Variants in FCHO2 observed in about 807,000 individuals in gnomAD.
FCHO2 encodes the protein FCH and mu domain containing endocytic adaptor 2, also known as F-BAR domain only protein 2.
Under a neutral mutation model 114.1 loss-of-function variants are expected in FCHO2, and 43 were observed. The ratio of observed to expected loss-of-function variants is 0.38; its 90% CI spans 0.30 to 0.49. The LOEUF is 0.49. Among genes scored for constraint, FCHO2 ranks in the 20% least tolerant of loss-of-function variants. FCHO2 has a pLI of 0.97. For missense variants in FCHO2, 807 were observed against 950.4 expected, an observed-to-expected ratio of 0.85 and a Z score of 1.98; for synonymous variants, 293 against 315.2, an observed-to-expected ratio of 0.93 and a Z score of 0.75.
chr5:72,956,302 G>T (rs1474364631), intron 1 of FCHO2, among the ~76,000 whole-genome samples, 173 bp downstream of exon 1: 1 of 151,840 alleles, frequency 6.6e-6, no homozygotes, highest in Non-Finnish European at 1.5e-5. Context: ...AGCCTATAGG[G>T]ACTCCCGGGC....
chr5:73,045,072 AG>A (rs1756993445), intron 11 of FCHO2, among the ~76,000 whole-genome samples: 1 of 152,266 alleles, frequency 6.6e-6, no homozygotes, highest in Non-Finnish European at 1.5e-5. Flanking sequence ...AAAGATGCAT[AG>A]AAGGTTGCAA....
intron 23 of FCHO2, 90 bp downstream of exon 23, chr5:73,082,072 GT>G: frequency 7.9e-7 from 1 of 1,270,882 alleles, no homozygotes; most frequent in Non-Finnish European, 1.0e-6. Flanking sequence ...TTTCTTAGAA[GT>G]TTGAAAAATT....
At chr5:72,962,239 AG>A (rs1224594488) in intron 1 of FCHO2, among the ~76,000 whole-genome samples, 1 of 152,028 alleles carries the variant, frequency 6.6e-6, no homozygotes, top group African/African-American at 2.4e-5. Context: ...GTTCAGGGGG[AG>A]GATTTTAGAA....
chr5:72,968,904 T>C (rs911889979), intron 2 of FCHO2, among the ~76,000 whole-genome samples: 3 of 152,148 alleles, frequency 2.0e-5, no homozygotes, highest in Non-Finnish European at 4.4e-5. Context: ...AACATTAACA[T>C]TTGTTAACCA....
chr5:73,004,348 T>C (rs1444414202), intron 5 of FCHO2, among the ~76,000 whole-genome samples: 1 of 152,108 alleles, frequency 6.6e-6, no homozygotes, highest in Non-Finnish European at 1.5e-5. Context: ...TATAAAATAA[T>C]GTCAGCTGTG....
intron 5 of FCHO2, among the ~76,000 whole-genome samples, chr5:73,000,172 TA>T (rs977887948): frequency 1.4e-4 from 20 of 147,140 alleles, no homozygotes; most frequent in East Asian, 2.0e-4. Flanking sequence ...GCACAGCCAA[TA>T]AAAAAAAAAA....
Position 73,015,815 on chromosome 5 carries a change from A to G in FCHO2, c.699+91A>G, listed in dbSNP as rs913167076. Reference sequence around the variant, plus strand: ...TATTTTCTCACTCTGTTCAAAGTTCATAAGTATAATACCGAATTTTTCCAA... The same window carrying G: ...TATTTTCTCACTCTGTTCAAAGTTCGTAAGTATAATACCGAATTTTTCCAA... On this transcript the variant is annotated intron_variant, in intron 7 of 25. Coordinates refer to ENST00000430046, the MANE Select transcript of FCHO2 (RefSeq NM_138782.3). 12 of 657,806 alleles carry G rather than the reference A, an allele frequency of 1.8e-5. No individual in the cohort carries two copies. In the East Asian group the frequency reaches 2.9e-4, roughly 16 times the overall value. The allele number at this position is 657,806 out of a possible 1,614,324, so 40.7% of individuals were successfully genotyped here.
chr5:72,999,607 T>A (rs1381631132), intron 5 of FCHO2, among the ~76,000 whole-genome samples: 1 of 151,954 alleles, frequency 6.6e-6, no homozygotes, highest in Non-Finnish European at 1.5e-5. Context: ...GATCTTGAAC[T>A]TCTGACCTCA....
intron 15 of FCHO2, 143 bp downstream of exon 15, chr5:73,054,692 A>C (rs1039663054): frequency 8.6e-6 from 5 of 582,642 alleles, no homozygotes; most frequent in Non-Finnish European, 1.4e-5. Flanking sequence ...AATTATTTTA[A>C]ATAGAAAACA....
intron 8 of FCHO2, chr5:73,020,556 C>T: frequency 1.6e-6 from 1 of 626,980 alleles, no homozygotes; most frequent in South Asian, 1.8e-5. Flanking sequence ...GTTGACAGAA[C>T]ATATTTGGGG....
chr5:73,077,627 CA>C, intron 21 of FCHO2, 134 bp downstream of exon 21: 1 of 948,090 alleles, frequency 1.1e-6, no homozygotes, highest in Non-Finnish European at 1.5e-6. Flanking sequence ...CCCAGTTGTT[CA>C]AAACCAGCCT....
chr5:72,983,543 A>G (rs1753346123), intron 2 of FCHO2, among the ~76,000 whole-genome samples: 1 of 148,832 alleles, frequency 6.7e-6, no homozygotes, highest in Admixed American at 6.7e-5. Flanking sequence ...TCAAAGTGAC[A>G]ATACTTTTTT....
chr5:73,041,245 C>T (rs1378494003), intron 10 of FCHO2, 46 bp from the exon 11 acceptor site: 3 of 1,252,054 alleles, frequency 2.4e-6, no homozygotes, highest in Non-Finnish European at 3.5e-6. Flanking sequence ...GCATAATTAG[C>T]AGACAATTCT....
At chr5:73,002,302 A>C (rs1754489740) in intron 5 of FCHO2, among the ~76,000 whole-genome samples, 1 of 152,200 alleles carries the variant, frequency 6.6e-6, no homozygotes, top group Admixed American at 6.5e-5. Flanking sequence ...AGGAAGATGA[A>C]ATGATTCAGG....
intron 2 of FCHO2, among the ~76,000 whole-genome samples, chr5:72,988,401 G>A (rs1026983499): frequency 1.3e-5 from 2 of 152,120 alleles, no homozygotes; most frequent in Non-Finnish European, 2.9e-5. Flanking sequence ...TTGCACCACT[G>A]TACTCCAGCC....
chr5:73,074,401 G>A (rs1742814263), intron 19 of FCHO2, among the ~76,000 whole-genome samples: 1 of 152,030 alleles, frequency 6.6e-6, no homozygotes, highest in African/African-American at 2.4e-5. Context: ...ATGATTGATA[G>A]AACCTGGAGG....
At chr5:72,959,999 C>G (rs984044694) in intron 1 of FCHO2, among the ~76,000 whole-genome samples, 2 of 152,130 alleles carry the variant, frequency 1.3e-5, no homozygotes, top group Non-Finnish European at 2.9e-5. Context: ...AGGCTGGTCT[C>G]GAACTCCTGG....
chr5:73,047,988 C>T (rs1232145085), intron 11 of FCHO2, among the ~76,000 whole-genome samples: 3 of 152,004 alleles, frequency 2.0e-5, no homozygotes, highest in South Asian at 2.1e-4. Flanking sequence ...GTGCATGCCT[C>T]CATGCTCAGC....
chr5:72,996,243 CAAAA>C (rs371371047), intron 5 of FCHO2, among the ~76,000 whole-genome samples: 1 of 110,984 alleles, frequency 9.0e-6, no homozygotes. Flanking sequence ...AACTCTGTCT[CAAAA>C]AAAAAAAAAA....
Sources: allele counts gnomAD v4.1 joint callset (sites outside exome capture counted in the v4.1 genomes callset), GRCh38; gene constraint gnomAD v4.1.1; transcripts MANE v1.5; gene names NCBI Gene and HGNC (gene_info 2026-07-23, HGNC 2026-07-21).